AGAP1: variants seen among roughly 807,000 people sequenced by gnomAD.
AGAP1 encodes arf-GAP with GTPase, ANK repeat and PH domain-containing protein 1.
In AGAP1, 29 loss-of-function variants were observed where a neutral mutation model predicts 105.3. The observed-to-expected ratio is 0.28, with a 90% CI of 0.21 to 0.38. The LOEUF (loss-of-function observed/expected upper bound fraction) is 0.38. Among genes scored for constraint, AGAP1 ranks in the 10% least tolerant of loss-of-function variants. AGAP1 has a pLI of 1.00. For synonymous variants in AGAP1, 509 were observed against 485.9 expected (o/e 1.05, Z -0.63); for missense variants, 998 against 1,165.1 (o/e 0.86, Z 2.09).
intron 9 of AGAP1, among the ~76,000 whole-genome samples, chr2:235,852,000 T>C (rs1240415609): frequency 1.3e-5 from 2 of 151,986 alleles, no homozygotes; most frequent in Non-Finnish European, 2.9e-5. Context: ...ATTAACAACC[T>C]CCGCTGAATA....
intron 1 of AGAP1, among the ~76,000 whole-genome samples, chr2:235,591,691 T>C (rs972665318): frequency 2.0e-5 from 3 of 152,178 alleles, no homozygotes; most frequent in Non-Finnish European, 2.9e-5. Context: ...TGGGGGTGAA[T>C]CCTTCATGAA....
intron 1 of AGAP1, chr2:235,671,020 G>C (rs1421346707): frequency 7.6e-6 from 10 of 1,309,878 alleles, no homozygotes; most frequent in Non-Finnish European, 9.7e-6. Context: ...AAGCGCACTC[G>C]TCCAGCGCCG....
chr2:236,095,402 G>A lies in AGAP1; in HGVS notation c.2115-24790G>A, dbSNP rs539480466. On this transcript the variant is annotated intron_variant, in intron 16 of 17. Coordinates refer to ENST00000304032, the MANE Select transcript of AGAP1 (RefSeq NM_001037131.3). This position sits in a 1 kb window ranked among gnomAD's most constrained non-coding sequence, Gnocchi z 4.1. ...ACAGAGTTAGACCTTGTCTTGGCTG[G>A]GCACAGTGGCTCACGTGTGTAATCC... Among the ~76,000 whole-genome samples, 92 of 152,194 alleles carry A rather than the reference G, an allele frequency of 6.0e-4. No homozygotes were observed. The highest frequency in any genetic ancestry group is 2.0e-3 in the African/African-American group (82 of 41,550).
At chr2:236,031,247 C>G (rs1039037224) in intron 13 of AGAP1, among the ~76,000 whole-genome samples, 2 of 152,188 alleles carry the variant, frequency 1.3e-5, no homozygotes, top group African/African-American at 4.8e-5. Context: ...GGAACATTAA[C>G]TAAACTTGAA....
chr2:236,016,707 C>T (rs534194118), intron 13 of AGAP1, among the ~76,000 whole-genome samples: 3 of 152,254 alleles, frequency 2.0e-5, no homozygotes, highest in African/African-American at 4.8e-5. Context: ...GGGTGGAGAG[C>T]GTGAATTCCT....
rs1952785215 is a variant in AGAP1 at position 235,744,551 on chromosome 2, T to G, written c.397-147T>G. 2 of 947,526 alleles carry G rather than the reference T, an allele frequency of 2.1e-6. No homozygotes were observed. Among genetic ancestry groups the G allele is most frequent in the Non-Finnish European group, 3.3e-6 (2 of 608,352 alleles). 58.7% of individuals were successfully genotyped at this position (947,526 alleles called of 1,614,324 possible). A position where few individuals can be genotyped will look rare whatever the true frequency, so the allele number is the denominator to read the frequency against. On this transcript the variant is annotated intron_variant, in intron 4 of 17. Coordinates refer to ENST00000304032, the MANE Select transcript of AGAP1 (RefSeq NM_001037131.3). The surrounding 1 kb of genome is among the most constrained non-coding windows in gnomAD (Gnocchi z 5.2). ...AGGACGTGGATGCCGTGACAGTGTG[T>G]AAAAGTGACAGTCAAAAGTCAAGCA... is the stretch of plus-strand genomic sequence containing the variant.
intron 1 of AGAP1, among the ~76,000 whole-genome samples, chr2:235,648,884 CAAAAA>C (rs34285333): frequency 1.1e-3 from 150 of 139,612 alleles, no homozygotes; most frequent in Middle Eastern, 3.6e-3. Flanking sequence ...GAGACTGTCT[CAAAAA>C]AAAAAAAAAG....
chr2:235,627,206 T>TG (rs1157655590), intron 1 of AGAP1, among the ~76,000 whole-genome samples: 127 of 147,440 alleles, frequency 8.6e-4, no homozygotes, highest in South Asian at 4.2e-3. Context: ...TTTTTTTTTT[T>TG]TTTTTTTTTT....
Position 235,879,614 on chromosome 2 carries a change from C to T in AGAP1, c.1051-3731C>T, listed in dbSNP as rs973428323. Among the ~76,000 whole-genome samples the T allele has an allele frequency of 1.3e-5, 2 of 152,052 alleles. No individual in the cohort carries two copies. Among genetic ancestry groups the T allele is most frequent in the African/African-American group, 4.8e-5 (2 of 41,416 alleles). On this transcript the variant is annotated intron_variant, in intron 9 of 17. Transcript: ENST00000304032. The surrounding 1 kb of genome is among the most constrained non-coding windows in gnomAD (Gnocchi z 5.0). ...GTAGGCCTGGCACAGTGGCTCACTC[C>T]CTGTCATCCAGCACTTTCTAAAGAC... is the stretch of plus-strand genomic sequence containing the variant.
chr2:235,884,860 A>ACAGCAGCAGCAG (rs10526218), intron 10 of AGAP1, among the ~76,000 whole-genome samples: 2 of 151,282 alleles, frequency 1.3e-5, no homozygotes, highest in East Asian at 2.0e-4. Context: ...AGTAATAGTC[A>ACAGCAGCAGCAG]CAGCAGCAGC....
intron 9 of AGAP1, among the ~76,000 whole-genome samples, chr2:235,814,534 G>C (rs947992306): frequency 6.6e-6 from 1 of 152,158 alleles, no homozygotes; most frequent in Non-Finnish European, 1.5e-5. Flanking sequence ...ACATGCCCTG[G>C]GTCCTCTGCT....
At chr2:235,831,488 C>G (rs549869419) in intron 9 of AGAP1, among the ~76,000 whole-genome samples, 1 of 152,214 alleles carries the variant, frequency 6.6e-6, no homozygotes, top group African/African-American at 2.4e-5. Flanking sequence ...TTTCCCCCAC[C>G]GCCTGAAATC....
rs894675750 is a variant in AGAP1, at chr2:236,045,234, C to G, written c.1892-3825C>G. On this transcript the variant is annotated intron_variant, in intron 15 of 17. Coordinates refer to ENST00000304032, the MANE Select transcript of AGAP1 (RefSeq NM_001037131.3). This position sits in a 1 kb window ranked among gnomAD's most constrained non-coding sequence, Gnocchi z 6.9. The stretch of plus-strand genomic sequence containing the variant: ...CTGGGCCTAGTTTTTTTTATTTTTT[C>G]CTGCTTGGTCTGTCCTCATAGAATC... 1.3e-5 allele frequency among the ~76,000 whole-genome samples: 2 copies of G among 151,914 alleles called. No homozygotes were observed. Among genetic ancestry groups the G allele is most frequent in the Non-Finnish European group, 2.9e-5 (2 of 67,970 alleles).
chr2:235,519,295 C>A (rs1053854925), intron 1 of AGAP1, among the ~76,000 whole-genome samples: 3 of 152,002 alleles, frequency 2.0e-5, no homozygotes, highest in African/African-American at 7.3e-5. Context: ...CCAGGCTGGT[C>A]TTGAATGCCT....
At position 235,690,715 on chromosome 2, in the gene AGAP1, TG is replaced by T. The variant is rs1949695969; in HGVS notation, c.164-18462del. ...GAAAGAGGTGCAGGCTTCCGGCTAT[TG>T]GTAGACACCTGTCTGCTTGGGGCAG... On this transcript the variant is annotated intron_variant, in intron 1 of 17. Coordinates refer to ENST00000304032, the MANE Select transcript of AGAP1 (RefSeq NM_001037131.3). The surrounding 1 kb of genome is among the most constrained non-coding windows in gnomAD (Gnocchi z 4.1). Among the ~76,000 whole-genome samples, 1 of 152,216 alleles carries T rather than the reference TG, an allele frequency of 6.6e-6. No homozygotes were observed. Among genetic ancestry groups the T allele is most frequent in the South Asian group, 2.1e-4 (1 of 4,830 alleles).
At chr2:235,726,729 G>T (rs76742027) in intron 3 of AGAP1, among the ~76,000 whole-genome samples, 1 of 152,098 alleles carries the variant, frequency 6.6e-6, no homozygotes, top group African/African-American at 2.4e-5. Context: ...GGCCATGCTC[G>T]CTGTGTTAGT....
rs542544712 is a variant in AGAP1, at chr2:235,979,022, T to C, written c.1645+10399T>C. On this transcript the variant is annotated intron_variant, in intron 13 of 17. Transcript: ENST00000304032. The surrounding 1 kb of genome is among the most constrained non-coding windows in gnomAD (Gnocchi z 4.5). ...ATCTCTCTTGAAATTTTTTTGGACT[T>C]ACGGACATTTAATTCAGATGCAGTG... Among the ~76,000 whole-genome samples, 2 of 152,286 alleles carry C rather than the reference T, an allele frequency of 1.3e-5. No individual in the cohort carries two copies. The highest frequency in any genetic ancestry group is 4.1e-4 in the South Asian group (2 of 4,828).
intron 12 of AGAP1, among the ~76,000 whole-genome samples, chr2:235,941,068 A>C (rs993865808): frequency 6.6e-6 from 1 of 152,232 alleles, no homozygotes; most frequent in East Asian, 1.9e-4. Flanking sequence ...AATGCTTTGC[A>C]TATTGCTTTA....
At chr2:235,537,447 T>A (rs1943276317) in intron 1 of AGAP1, among the ~76,000 whole-genome samples, 1 of 152,052 alleles carries the variant, frequency 6.6e-6, no homozygotes, top group African/African-American at 2.4e-5. Context: ...TCATGGAGGC[T>A]GGGGAGTCAT....
Sources: allele counts gnomAD v4.1 joint callset (sites outside exome capture counted in the v4.1 genomes callset), GRCh38; gene constraint gnomAD v4.1.1; non-coding constraint Gnocchi (gnomAD v3.1); transcripts MANE v1.5; gene names NCBI Gene and HGNC (gene_info 2026-07-23, HGNC 2026-07-21).